The following PRRC2B variants were observed in gnomAD, a reference collection of about 807,000 sequenced individuals.
The protein encoded by PRRC2B is proline rich coiled-coil 2B.
In PRRC2B, 68 loss-of-function variants were observed where a neutral mutation model predicts 242.3. That is an observed-to-expected ratio of 0.28 (90% confidence interval 0.23 to 0.34). The LOEUF (loss-of-function observed/expected upper bound fraction) is 0.34, where lower values mean the gene tolerates loss of function less well. Ranked by LOEUF, PRRC2B falls within the 10% of genes least tolerant of loss-of-function variation. The pLI is 1.00. For synonymous variants in PRRC2B, 1,228 were observed against 1,173.6 expected, an observed-to-expected ratio of 1.05 and a Z score of -0.95; for missense variants, 2,835 against 2,954.8, an observed-to-expected ratio of 0.96 and a Z score of 0.94.
chr9:131,487,767 G>T lies in PRRC2B; in HGVS notation c.5985-89G>T, dbSNP rs1415790102. ...GGTGGGGCCGGGGATCTGTGGTTTA[G>T]CAAGCTCTCCGGGGATCTCTGAAGG... On this transcript the variant is annotated intron_variant, in intron 27 of 31. Coordinates refer to ENST00000683519, the MANE Select transcript of PRRC2B (RefSeq NM_013318.4). The surrounding 1 kb of genome is among the most constrained non-coding windows in gnomAD (Gnocchi z 5.3). 3.3e-6 allele frequency: 5 copies of T among 1,512,662 alleles called. No individual in the cohort carries two copies. The highest frequency in any genetic ancestry group is 4.4e-6 in the Non-Finnish European group (5 of 1,123,828). 93.7% of individuals were successfully genotyped at this position (1,512,662 alleles called of 1,614,324 possible). A position where few individuals can be genotyped will look rare whatever the true frequency, so the allele number is the denominator to read the frequency against.
intron 29 of PRRC2B, 34 bp downstream of exon 29, chr9:131,491,614 A>AG (rs754152891): frequency 2.5e-6 from 4 of 1,569,524 alleles, no homozygotes; most frequent in African/African-American, 2.7e-5. Flanking sequence ...GACCCTAGGG[A>AG]GGGGGCCTTG....
At chr9:131,416,091 CTCT>C (rs1188824739) in intron 1 of PRRC2B, among the ~76,000 whole-genome samples, 2 of 151,488 alleles carry the variant, frequency 1.3e-5, no homozygotes, top group African/African-American at 2.4e-5. Flanking sequence ...GCTCTTCCAC[CTCT>C]TCTTCGTTTT....
At chr9:131,384,081 C>CTT (rs1264403902) in intron 1 of PRRC2B, among the ~76,000 whole-genome samples, 2 of 119,448 alleles carry the variant, frequency 1.7e-5, no homozygotes, top group African/African-American at 6.0e-5. Context: ...CCATACCCGG[C>CTT]TATTTTTTTT....
chr9:131,487,940 G>C lies in PRRC2B; in HGVS notation c.6069G>C (p.Ser2023=). 6.2e-7 allele frequency: 1 copy of C among 1,613,544 alleles called. No homozygotes were observed. The highest frequency in any genetic ancestry group is 1.1e-5 in the South Asian group (1 of 90,978). The change falls in exon 28 of 32, where the codon TCG becomes TCC. Residue 2023 remains serine, a synonymous_variant. Coordinates refer to ENST00000683519, the MANE Select transcript of PRRC2B (RefSeq NM_013318.4). The surrounding 1 kb of genome is among the most constrained non-coding windows in gnomAD (Gnocchi z 5.3). ...SGGTALKPPY[S]AFPGMQPLEM... ...GCACAGCCTTGAAGCCTCCATACTC[G>C]GCGTTCCCAGGCATGCAGCCCTTGG...
intron 1 of PRRC2B, among the ~76,000 whole-genome samples, chr9:131,423,162 C>T (rs1269580976): frequency 6.6e-6 from 1 of 152,194 alleles, no homozygotes; most frequent in African/African-American, 2.4e-5. Flanking sequence ...TGAGGTAAAG[C>T]CGTGGCCATA....
chr9:131,376,194 A>G (rs1247223476), intron 1 of PRRC2B, among the ~76,000 whole-genome samples: 3 of 151,804 alleles, frequency 2.0e-5, no homozygotes, highest in Admixed American at 6.6e-5. Context: ...TCTACTAAAA[A>G]TACAAAAAAA....
rs537172316 is a variant in PRRC2B at position 131,451,272 on chromosome 9, G to A, written c.1120+3468G>A. ...AAATTAGCCGGGCGTGTTGGCACGC[G>A]CCTGTAGTCCCAGCTACTTGGGAGG... is the stretch of plus-strand genomic sequence containing the variant. On this transcript the variant is annotated intron_variant, in intron 9 of 31. Coordinates refer to ENST00000683519, the MANE Select transcript of PRRC2B (RefSeq NM_013318.4). Among the ~76,000 whole-genome samples, 12 of 152,202 alleles carry A rather than the reference G, an allele frequency of 7.9e-5. No individual in the cohort carries two copies. The East Asian group carries it at 9.7e-4, about 12-fold the overall frequency.
intron 13 of PRRC2B, among the ~76,000 whole-genome samples, chr9:131,469,676 C>T (rs762504676): frequency 6.6e-5 from 10 of 152,240 alleles, no homozygotes; most frequent in Admixed American, 2.6e-4. Flanking sequence ...CAGAGTGTGA[C>T]GCAGCAGTGA....
At chr9:131,387,310 T>C (rs927058831) in intron 1 of PRRC2B, among the ~76,000 whole-genome samples, 7 of 150,148 alleles carry the variant, frequency 4.7e-5, no homozygotes, top group African/African-American at 1.7e-4. Flanking sequence ...CACCTGTCTC[T>C]CTCTCTCTTA....
In PRRC2B at chr9:131,387,785, C is replaced by T. The variant is rs889962684; in HGVS notation, c.-56+14054C>T. ...GTGCTATAAAGTATAAAATACATGC[C>T]GGACTTGAAGACTTCATGTGACCAC... On this transcript the variant is annotated intron_variant, in intron 1 of 1. Transcript: ENST00000682525. 6.7e-5 allele frequency among the ~76,000 whole-genome samples: 10 copies of T among 149,914 alleles called. 1 individual carries two copies. The highest frequency in any genetic ancestry group is 2.0e-4 in the East Asian group (1 of 5,014).
chr9:131,441,201 T>C (rs1378755140), intron 5 of PRRC2B, among the ~76,000 whole-genome samples: 2 of 152,344 alleles, frequency 1.3e-5, no homozygotes, highest in African/African-American at 4.8e-5. Context: ...CTGATGTATA[T>C]GTGTTTAAAA....
chr9:131,403,925 T>A (rs1039209961), intron 1 of PRRC2B, among the ~76,000 whole-genome samples: 1 of 152,180 alleles, frequency 6.6e-6, no homozygotes, highest in Non-Finnish European at 1.5e-5. Context: ...TCTCTTATTT[T>A]TATTTTCAGT....
chr9:131,424,159 C>CT (rs761328835), intron 1 of PRRC2B, among the ~76,000 whole-genome samples: 8 of 152,166 alleles, frequency 5.3e-5, no homozygotes, highest in Non-Finnish European at 1.2e-4. Flanking sequence ...TCAGGCTGGT[C>CT]TTGAACTCTT....
At chr9:131,453,194 T>C (rs956711222) in intron 9 of PRRC2B, among the ~76,000 whole-genome samples, 3 of 152,262 alleles carry the variant, frequency 2.0e-5, no homozygotes, top group African/African-American at 7.2e-5. Context: ...TCTTGCAGTC[T>C]GTTTTGTCCT....
intron 22 of PRRC2B, 108 bp from the exon 23 acceptor site, chr9:131,483,251 C>A: frequency 9.6e-7 from 1 of 1,046,232 alleles, no homozygotes; most frequent in South Asian, 1.4e-5. Context: ...GAATGCTGCT[C>A]AGTGGAGTTT....
rs138026374 is a variant in PRRC2B at position 131,427,610 on chromosome 9, G to A, written c.-51-2484G>A. Among the ~76,000 whole-genome samples the A allele has an allele frequency of 4.9e-4, 74 of 152,234 alleles. 1 individual carries two copies. The East Asian group carries it at 0.013, about 27-fold the overall frequency. On this transcript the variant is annotated intron_variant, in intron 1 of 31. Transcript: ENST00000683519. ...CTCCCAAAGTGCTGGGATTACAGGAGTGAGCCACCGCACCTGGCCCATAAT... is the reference window on the plus strand; with the variant it reads ...CTCCCAAAGTGCTGGGATTACAGGAATGAGCCACCGCACCTGGCCCATAAT...
chr9:131,408,029 G>T (rs931270813), intron 1 of PRRC2B, among the ~76,000 whole-genome samples: 1 of 152,194 alleles, frequency 6.6e-6, no homozygotes, highest in Non-Finnish European at 1.5e-5. Context: ...CGGTGCTTCT[G>T]GTGATAGTCA....
rs1838919451 is a variant in PRRC2B, at chr9:131,448,876, T to C, written c.1120+1072T>C. On this transcript the variant is annotated intron_variant, in intron 9 of 31. Transcript: ENST00000683519. ...GTACAGTTTTACAAATGGATACGTG[T>C]ATATCACACACATCCATATCCAGAG... is the stretch of plus-strand genomic sequence containing the variant. Among the ~76,000 whole-genome samples the C allele has an allele frequency of 2.6e-5, 4 of 152,194 alleles. No homozygotes were observed. The South Asian group carries it at 8.3e-4, about 31-fold the overall frequency.
At chr9:131,488,366 C>T (rs753185572) in intron 28 of PRRC2B, among the ~76,000 whole-genome samples, 10 of 151,656 alleles carry the variant, frequency 6.6e-5, no homozygotes, top group Admixed American at 2.0e-4. Context: ...CACATTCAGG[C>T]GATGCTCCTG....
Sources: allele counts gnomAD v4.1 joint callset (sites outside exome capture counted in the v4.1 genomes callset), GRCh38; gene constraint gnomAD v4.1.1; non-coding constraint Gnocchi (gnomAD v3.1); transcripts MANE v1.5; gene names NCBI Gene and HGNC (gene_info 2026-07-23, HGNC 2026-07-21).